RNF157: variants seen among roughly 807,000 people sequenced by gnomAD.
RNF157 encodes the protein ring finger protein 157.
A neutral mutation model predicts 88.3 loss-of-function variants in RNF157; 55 were observed. The observed-to-expected ratio is 0.62, with a 90% CI of 0.50 to 0.78. The LOEUF (loss-of-function observed/expected upper bound fraction) is 0.78, where lower values mean the gene tolerates loss of function less well. Among genes scored for constraint, RNF157 ranks in the 30% least tolerant of loss-of-function variants. The pLI, the probability that RNF157 is intolerant of heterozygous loss-of-function variation, is 0.00. For missense variants in RNF157, 788 were observed against 860.8 expected, an observed-to-expected ratio of 0.92 and a Z score of 1.06; for synonymous variants, 334 against 341.2, an observed-to-expected ratio of 0.98 and a Z score of 0.23.
intron 18 of RNF157, among the ~76,000 whole-genome samples, chr17:76,151,313 C>G (rs1425077365): frequency 6.6e-6 from 1 of 152,218 alleles, no homozygotes; most frequent in Non-Finnish European, 1.5e-5. Context: ...TAGAGAATTC[C>G]AGCTTCCCCT....
intron 8 of RNF157, chr17:76,163,448 G>A (rs2068876410): frequency 6.6e-6 from 1 of 152,232 alleles, no homozygotes; most frequent in Admixed American, 6.6e-5. Flanking sequence ...ACCTGCCTCA[G>A]GCTCCCGAAC....
rs374665760 is a variant in RNF157 at position 76,167,785 on chromosome 17, T to C, written c.309A>G (p.Glu103=). 4 of 1,613,904 alleles carry C rather than the reference T, an allele frequency of 2.5e-6. No homozygotes were observed. In the African/African-American group the frequency reaches 5.3e-5, roughly 22 times the overall value. The change falls in exon 4 of 19, where the codon GAA becomes GAG. Residue 103 remains glutamate, a synonymous_variant. Transcript: ENST00000269391. ...DTLRLVKCAE[E]VKSPGEEASK... is the part of the protein sequence containing the mutation. ...TGGCCTCTTCTCCAGGGCTCTTCAC[T>C]TCCTCAGCACATCTAGAAAACCAGA...
At chr17:76,231,048 CTT>C (rs1465788124) in intron 1 of RNF157, among the ~76,000 whole-genome samples, 2 of 151,586 alleles carry the variant, frequency 1.3e-5, no homozygotes, top group African/African-American at 2.4e-5. Context: ...AGGCGATCCT[CTT>C]GTTTGTGCCT....
chr17:76,197,531 G>A (rs2069497873), intron 2 of RNF157, among the ~76,000 whole-genome samples: 1 of 152,146 alleles, frequency 6.6e-6, no homozygotes, highest in Non-Finnish European at 1.5e-5. Context: ...AATAAAGCCA[G>A]CTATGATAGT....
intron 1 of RNF157, among the ~76,000 whole-genome samples, chr17:76,229,016 G>A (rs1156602314): frequency 2.0e-5 from 3 of 151,856 alleles, no homozygotes; most frequent in Non-Finnish European, 4.4e-5. Flanking sequence ...CACACATCCA[G>A]TAATTCCTCA....
rs1420481288 is a variant in RNF157, at chr17:76,173,775, G to A, written c.223C>T (p.Pro75Ser). The A allele has an allele frequency of 6.2e-7, 1 of 1,609,952 alleles. No homozygotes were observed. The highest frequency in any genetic ancestry group is 1.7e-4 in the Middle Eastern group (1 of 6,028). ...NRPVVFPYAA[P>S]PPQEPVKTLR... Reference sequence around the variant, plus strand: ...GTCTTCACGGGTTCTTGGGGAGGTGGGGCGGCGTAAGGAAACTGTGTCAGA... The same window carrying A: ...GTCTTCACGGGTTCTTGGGGAGGTGAGGCGGCGTAAGGAAACTGTGTCAGA... Residue 75 changes from proline to serine, a missense_variant, in exon 3 of 19, where the codon CCA becomes TCA. Pro to Ser is a moderately conservative substitution (Grantham distance 74). Coordinates refer to ENST00000269391, the MANE Select transcript of RNF157 (RefSeq NM_052916.3).
In RNF157 at chr17:76,155,720, T is replaced by G; in HGVS notation, c.1540A>C (p.Ser514Arg). ...ISSPEGPASS[S>R]LAQSVMSMAS... ...ATGGACATGACAGACTGGGCCAAGC[T>G]GCTGCTGGCAGGGCCTTTGGAGACA... Residue 514 changes from serine (S) to arginine (R), a missense_variant, in exon 15 of 19, where the codon AGC becomes CGC. Physicochemically the swap from Ser to Arg is moderately radical, Grantham distance 110 (BLOSUM62 -1). Transcript: ENST00000269391. 1 of 1,580,784 alleles carries G rather than the reference T, an allele frequency of 6.3e-7. No homozygotes were observed.
At chr17:76,213,988 T>C (rs955893874) in intron 1 of RNF157, among the ~76,000 whole-genome samples, 1 of 152,140 alleles carries the variant, frequency 6.6e-6, no homozygotes, top group Non-Finnish European at 1.5e-5. Context: ...GTAATATCCT[T>C]GATAATAAAC....
intron 2 of RNF157, among the ~76,000 whole-genome samples, chr17:76,175,194 AT>A (rs2069085134): frequency 6.6e-6 from 1 of 152,178 alleles, no homozygotes; most frequent in African/African-American, 2.4e-5. Flanking sequence ...AAAGTCCATA[AT>A]TTTGATAACA....
intron 8 of RNF157, 63 bp from the exon 9 acceptor site, chr17:76,162,686 T>G (rs2068862509): frequency 8.5e-7 from 1 of 1,172,350 alleles, no homozygotes. Flanking sequence ...GAGTGGGAAC[T>G]CCCTCCAATC....
At chr17:76,170,296 T>C (rs1005164630) in intron 3 of RNF157, among the ~76,000 whole-genome samples, 5 of 152,008 alleles carry the variant, frequency 3.3e-5, no homozygotes, top group African/African-American at 1.2e-4. Context: ...GCTGTGATCG[T>C]GACTCATTGC....
At chr17:76,164,538 T>C in intron 8 of RNF157, 1 of 389,242 alleles carries the variant, frequency 2.6e-6, no homozygotes, top group Non-Finnish European at 4.5e-6. Context: ...AGCATTCCTT[T>C]CAGGCCACCC....
At chr17:76,172,422 T>C (rs911520835) in intron 3 of RNF157, among the ~76,000 whole-genome samples, 3 of 151,692 alleles carry the variant, frequency 2.0e-5, no homozygotes, top group Non-Finnish European at 2.9e-5. Context: ...AGAAACTCTG[T>C]CTCTACTAAA....
chr17:76,161,777 G>C lies in RNF157; in HGVS notation c.952+66C>G. 6.3e-7 allele frequency: 1 copy of C among 1,576,358 alleles called. No homozygotes were observed. The highest frequency in any genetic ancestry group is 1.1e-5 in the South Asian group (1 of 88,066). ...AGATCCAGCAGCAGCACATGCTTCA[G>C]TGTTTTGTAAATGTCCTCTTGTCCC... On this transcript the variant is annotated intron_variant, in intron 10 of 18. Transcript: ENST00000269391. This position sits in a 1 kb window ranked among gnomAD's most constrained non-coding sequence, Gnocchi z 4.6.
At chr17:76,203,452 C>CTTT (rs35848509) in intron 2 of RNF157, among the ~76,000 whole-genome samples, 1 of 138,506 alleles carries the variant, frequency 7.2e-6, no homozygotes, top group Non-Finnish European at 1.6e-5. Flanking sequence ...AAAGTAAAAA[C>CTTT]TTTTTTTTTT....
chr17:76,235,498 G>A (rs781316812), intron 1 of RNF157, among the ~76,000 whole-genome samples: 13 of 152,170 alleles, frequency 8.5e-5, no homozygotes, highest in East Asian at 1.9e-4. Context: ...GCGCCCAGCC[G>A]TAAATTGCAT....
chr17:76,170,140 CTCTCT>C (rs2068991995), intron 3 of RNF157, among the ~76,000 whole-genome samples: 1 of 152,178 alleles, frequency 6.6e-6, no homozygotes, highest in Non-Finnish European at 1.5e-5. Context: ...CAGTTTTCCT[CTCTCT>C]TGACAAAGGC....
chr17:76,195,968 A>G lies in RNF157; in HGVS notation c.207+16396T>C, dbSNP rs1179320430. Among the ~76,000 whole-genome samples the G allele has an allele frequency of 2.0e-5, 3 of 152,208 alleles. No homozygotes were observed. The highest frequency in any genetic ancestry group is 1.9e-4 in the East Asian group (1 of 5,204). The stretch of plus-strand genomic sequence containing the variant: ...CACCCTCTTTCATGGCAATGACCCA[A>G]TGACCCGGAAGGTACTATCCTTCTT... On this transcript the variant is annotated intron_variant, in intron 2 of 18. Coordinates refer to ENST00000269391, the MANE Select transcript of RNF157 (RefSeq NM_052916.3). The surrounding 1 kb of genome is among the most constrained non-coding windows in gnomAD (Gnocchi z 4.4).
chr17:76,144,434 A>G lies in RNF157; in HGVS notation c.*801T>C, dbSNP rs2068555557. On this transcript the variant is annotated 3_prime_UTR_variant, in exon 19 of 19. Coordinates refer to ENST00000269391, the MANE Select transcript of RNF157 (RefSeq NM_052916.3). Reference sequence around the variant, plus strand: ...GCCATTCTCCTGCCTCAGCCTCCCAAGTAGCTGGGACTACAGGCGCCTGCA... The same window carrying G: ...GCCATTCTCCTGCCTCAGCCTCCCAGGTAGCTGGGACTACAGGCGCCTGCA... The G allele has an allele frequency of 6.5e-6, 1 of 152,950 alleles. No individual in the cohort carries two copies. The highest frequency in any genetic ancestry group is 6.5e-5 in the Admixed American group (1 of 15,280). The allele number at this position is 152,950 out of a possible 1,614,324, so 9.5% of individuals were successfully genotyped here. A position where few individuals can be genotyped will look rare whatever the true frequency, so the allele number is the denominator to read the frequency against.
Sources: gnomAD v4.1 joint callset for allele counts (sites outside exome capture counted in the v4.1 genomes callset) on GRCh38, gnomAD v4.1.1 for gene constraint, Gnocchi (gnomAD v3.1) non-coding constraint, MANE v1.5 for transcripts, NCBI Gene and HGNC (gene_info 2026-07-23, HGNC 2026-07-21) for gene names.